The following BBS9 variants were observed in gnomAD, a reference collection of about 807,000 sequenced individuals.
The protein encoded by BBS9 is Bardet-Biedl syndrome 9.
A neutral mutation model predicts 117.7 loss-of-function variants in BBS9; 89 were observed. That is an observed-to-expected ratio of 0.76 (90% CI 0.64 to 0.90). BBS9 has a LOEUF of 0.90. Among genes scored for constraint, BBS9 ranks in the 40% least tolerant of loss-of-function variants. The pLI, the probability that BBS9 is intolerant of heterozygous loss-of-function variation, is 0.00. For synonymous variants in BBS9, 379 were observed against 370.9 expected (o/e 1.02, Z -0.25); for missense variants, 982 against 1,042.2 (o/e 0.94, Z 0.80).
At chr7:33,277,293 A>G (rs1800946590) in intron 9 of BBS9, among the ~76,000 whole-genome samples, 1 of 152,172 alleles carries the variant, frequency 6.6e-6, no homozygotes, top group African/African-American at 2.4e-5. Flanking sequence ...TGGATTTTCA[A>G]TGCTCCTGTT....
At chr7:33,134,405 T>A (rs949985663) in intron 1 of BBS9, among the ~76,000 whole-genome samples, 2 of 151,842 alleles carry the variant, frequency 1.3e-5, no homozygotes, top group South Asian at 2.1e-4. Flanking sequence ...TTTGTATATC[T>A]TACTTGGAAA....
chr7:33,522,199 G>A (rs1415574655), intron 20 of BBS9, among the ~76,000 whole-genome samples: 1 of 152,132 alleles, frequency 6.6e-6, no homozygotes, highest in East Asian at 1.9e-4. Context: ...TAATGCTGCA[G>A]TAAACATACC....
intron 21 of BBS9, among the ~76,000 whole-genome samples, chr7:33,535,472 G>A (rs1013598127): frequency 4.6e-5 from 7 of 152,222 alleles, no homozygotes; most frequent in African/African-American, 1.7e-4. Flanking sequence ...ACTATACATA[G>A]GTAGAAGCCA....
At chr7:33,538,565 A>C (rs994604943) in intron 21 of BBS9, among the ~76,000 whole-genome samples, 1 of 150,906 alleles carries the variant, frequency 6.6e-6, no homozygotes, top group Non-Finnish European at 1.5e-5. Context: ...CTGAATTTAA[A>C]TTTAATTCTT....
intron 19 of BBS9, among the ~76,000 whole-genome samples, chr7:33,475,409 A>G (rs143203668): frequency 5.7e-4 from 87 of 152,334 alleles, no homozygotes; most frequent in African/African-American, 2.0e-3. Flanking sequence ...CTGGTTCAGC[A>G]TATTTGGGAT....
chr7:33,405,521 A>C (rs994519684), intron 19 of BBS9, among the ~76,000 whole-genome samples: 101 of 152,172 alleles, frequency 6.6e-4, no homozygotes, highest in Middle Eastern at 3.4e-3. Context: ...ACAATTTCAG[A>C]GCCTGTTATT....
At chr7:33,194,510 A>G (rs1289005430) in intron 5 of BBS9, among the ~76,000 whole-genome samples, 1 of 152,070 alleles carries the variant, frequency 6.6e-6, no homozygotes, top group Non-Finnish European at 1.5e-5. Flanking sequence ...ACGAAGTTAC[A>G]TTTTTTAAAG....
intron 19 of BBS9, among the ~76,000 whole-genome samples, chr7:33,470,532 G>C (rs892313477): frequency 2.6e-5 from 4 of 151,968 alleles, no homozygotes; most frequent in Non-Finnish European, 5.9e-5. Context: ...CGTGAAAATA[G>C]CAAGCTTTGT....
At chr7:33,554,178 A>T (rs537573189) in intron 21 of BBS9, among the ~76,000 whole-genome samples, 48 of 152,186 alleles carry the variant, frequency 3.2e-4, no homozygotes, top group Non-Finnish European at 5.9e-4. Flanking sequence ...AATGTTCCTT[A>T]CCTCTCATGG....
chr7:33,545,707 T>C (rs1853204712), intron 21 of BBS9, among the ~76,000 whole-genome samples: 1 of 152,126 alleles, frequency 6.6e-6, no homozygotes. Flanking sequence ...CCGTCTGTCA[T>C]GATCCCCTGA....
intron 21 of BBS9, among the ~76,000 whole-genome samples, chr7:33,628,706 T>C (rs1865754296): frequency 6.6e-6 from 1 of 152,200 alleles, no homozygotes; most frequent in East Asian, 1.9e-4. Context: ...CAGCAGGTAG[T>C]GCACAGAAAT....
chr7:33,296,307 G>A (rs1020604285), intron 9 of BBS9, among the ~76,000 whole-genome samples: 1 of 152,060 alleles, frequency 6.6e-6, no homozygotes, highest in East Asian at 1.9e-4. Flanking sequence ...ATCACATACC[G>A]TATGTGTAAA....
chr7:33,520,194 A>G (rs1259398843), intron 20 of BBS9, among the ~76,000 whole-genome samples: 1 of 152,092 alleles, frequency 6.6e-6, no homozygotes, highest in Non-Finnish European at 1.5e-5. Flanking sequence ...GTTTTACAAA[A>G]TACAAAACGA....
At chr7:33,557,006 G>A (rs979772352) in intron 21 of BBS9, among the ~76,000 whole-genome samples, 1 of 152,140 alleles carries the variant, frequency 6.6e-6, no homozygotes, top group Non-Finnish European at 1.5e-5. Context: ...TATTCAGCAA[G>A]TATTTACTTA....
At chr7:33,542,773 G>GTGTA (rs1554527632) in intron 21 of BBS9, among the ~76,000 whole-genome samples, 9 of 133,558 alleles carry the variant, frequency 6.7e-5, no homozygotes, top group African/African-American at 2.5e-4. Flanking sequence ...GTATATGTGA[G>GTGTA]TATATATATA....
intron 21 of BBS9, among the ~76,000 whole-genome samples, chr7:33,633,915 A>T (rs1300414544): frequency 6.6e-6 from 1 of 152,098 alleles, no homozygotes; most frequent in Non-Finnish European, 1.5e-5. Context: ...CTGCCTGCAG[A>T]GTCTTCCCCT....
chr7:33,316,078 T>C (rs1348371236), intron 9 of BBS9, among the ~76,000 whole-genome samples: 1 of 152,204 alleles, frequency 6.6e-6, no homozygotes, highest in Non-Finnish European at 1.5e-5. Flanking sequence ...TTCCATCACC[T>C]AGAAAGTTTC....
At position 33,582,576 on chromosome 7, in the gene BBS9, G is replaced by C. The variant is rs535187879; in HGVS notation, c.2522-22289G>C. Among the ~76,000 whole-genome samples the C allele has an allele frequency of 2.6e-5, 4 of 151,744 alleles. No homozygotes were observed. The East Asian group carries it at 7.8e-4, about 29-fold the overall frequency. On this transcript the variant is annotated intron_variant, in intron 21 of 22. Coordinates refer to ENST00000242067, the MANE Select transcript of BBS9 (RefSeq NM_198428.3). ...CACACACTGCATCTGATGCTCACAAGGTCAAAGTTACATAGTTAACATTTC... is the reference window on the plus strand; with the variant it reads ...CACACACTGCATCTGATGCTCACAACGTCAAAGTTACATAGTTAACATTTC...
intron 21 of BBS9, among the ~76,000 whole-genome samples, chr7:33,602,977 A>G (rs573506944): frequency 2.6e-5 from 4 of 152,306 alleles, no homozygotes; most frequent in East Asian, 3.9e-4. Flanking sequence ...AGCCCACGTG[A>G]TAGAGAACTA....
Sources: gnomAD v4.1 joint callset for allele counts (sites outside exome capture counted in the v4.1 genomes callset) on GRCh38, gnomAD v4.1.1 for gene constraint, MANE v1.5 for transcripts, NCBI Gene and HGNC (gene_info 2026-07-23, HGNC 2026-07-21) for gene names.